The following STK11 variants were observed in gnomAD, a reference collection of about 807,000 sequenced individuals.
STK11 encodes the protein serine/threonine kinase 11, also known as serine/threonine-protein kinase STK11.
In STK11, 8 loss-of-function variants were observed where a neutral mutation model predicts 47.3. The ratio of observed to expected loss-of-function variants is 0.17; its 90% CI spans 0.10 to 0.31. The LOEUF (loss-of-function observed/expected upper bound fraction) is 0.31. Among genes scored for constraint, STK11 ranks in the 10% least tolerant of loss-of-function variants. STK11 has a pLI of 1.00. For missense variants in STK11, 475 were observed against 605.0 expected, an observed-to-expected ratio of 0.79 and a Z score of 2.25; for synonymous variants, 330 against 255.8, an observed-to-expected ratio of 1.29 and a Z score of -2.77.
rs1599926980 is a variant in STK11, at chr19:1,220,697, C to T, written c.714C>T (p.Ile238=). The change falls in exon 5 of 10, where the codon ATC becomes ATT. Residue 238 remains isoleucine, a synonymous_variant. Transcript: ENST00000326873. The stretch of plus-strand genomic sequence containing the variant: ...CCTTCTCCGGCTTCAAGGTGGACAT[C>T]TGGTCGGCTGGGGTCACCCTGTAAG... ...LDTFSGFKVD[I]WSAGVTLYNI... is the part of the protein sequence containing the mutation. 6.2e-7 allele frequency: 1 copy of T among 1,609,992 alleles called. No individual in the cohort carries two copies. Among genetic ancestry groups the T allele is most frequent in the Non-Finnish European group, 8.5e-7 (1 of 1,178,756 alleles).
chr19:1,219,525 C>G, intron 3 of STK11, 112 bp downstream of exon 3: 1 of 1,209,124 alleles, frequency 8.3e-7, no homozygotes, highest in South Asian at 1.5e-5. Flanking sequence ...CATGAAGGCC[C>G]AAGTTTTTTT....
intron 8 of STK11, chr19:1,224,053 TG>T (rs1242287514): frequency 1.7e-5 from 17 of 1,001,304 alleles, no homozygotes; most frequent in Admixed American, 6.0e-5. Flanking sequence ...CCCAGAATAG[TG>T]GGGGCCCTGC....
chr19:1,212,746 G>C (rs551404380), intron 1 of STK11, among the ~76,000 whole-genome samples: 5 of 151,990 alleles, frequency 3.3e-5, no homozygotes, highest in African/African-American at 1.2e-4. Flanking sequence ...GGGTTTCACC[G>C]TGTTAGCCAG....
chr19:1,221,415 C>T lies in STK11; in HGVS notation c.862+75C>T, dbSNP rs560283311. Reference sequence around the variant, plus strand: ...TGCAGAAATGTAGGGTTGGGGGTGTCAGGTGGGGGGCTATTGGCCCCGAGA... The same window carrying T: ...TGCAGAAATGTAGGGTTGGGGGTGTTAGGTGGGGGGCTATTGGCCCCGAGA... On this transcript the variant is annotated intron_variant, in intron 6 of 9. Coordinates refer to ENST00000326873, the MANE Select transcript of STK11 (RefSeq NM_000455.5). 13 of 1,485,670 alleles carry T rather than the reference C, an allele frequency of 8.8e-6. No individual in the cohort carries two copies. In the African/African-American group the frequency reaches 1.5e-4, roughly 17 times the overall value. 92.0% of individuals were successfully genotyped at this position (1,485,670 alleles called of 1,614,324 possible).
At chr19:1,223,243 G>A (rs1173446495) in intron 8 of STK11, 71 bp downstream of exon 8, 1 of 1,523,618 alleles carries the variant, frequency 6.6e-7, no homozygotes, top group Admixed American at 1.9e-5. Flanking sequence ...CAGGGTGCCT[G>A]CCTGTCTGCA....
At chr19:1,221,562 AGGGCAGTGCT>A in intron 6 of STK11, 2 of 705,008 alleles carry the variant, frequency 2.8e-6, no homozygotes, top group Admixed American at 3.0e-5. Context: ...CCCACCCCAG[AGGGCAGTGCT>A]GCCCTGCGCC....
chr19:1,226,232 C>T (rs1463624388), intron 8 of STK11: 2 of 1,389,344 alleles, frequency 1.4e-6, no homozygotes, highest in Non-Finnish European at 9.3e-7. Flanking sequence ...GTGGAGGGGA[C>T]ACTCCTGCCC....
intron 8 of STK11, chr19:1,225,698 G>C (rs1208839687): frequency 1.0e-6 from 1 of 985,500 alleles, no homozygotes; most frequent in African/African-American, 1.7e-5. Flanking sequence ...CATGAGCTCT[G>C]GGGCAGCCCG....
intron 8 of STK11, chr19:1,225,036 T>TC (rs140106504): frequency 0.2 from 199,415 of 985,574 alleles, 21,008 homozygotes; most frequent in East Asian, 0.32. Context: ...GCCTCACGTG[T>TC]CCCTACCCAG....
chr19:1,214,923 C>G (rs2080735352), intron 1 of STK11, among the ~76,000 whole-genome samples: 1 of 152,220 alleles, frequency 6.6e-6, no homozygotes, highest in Non-Finnish European at 1.5e-5. Flanking sequence ...GCCTGTGCGT[C>G]CGAGCATCTG....
chr19:1,212,087 G>C (rs1256660599), intron 1 of STK11, among the ~76,000 whole-genome samples: 1 of 152,030 alleles, frequency 6.6e-6, no homozygotes, highest in Admixed American at 6.6e-5. Flanking sequence ...TCCACTGGGG[G>C]TTCTGGGCTG....
chr19:1,223,735 GC>G (rs1568713183), intron 8 of STK11: 1 of 1,041,430 alleles, frequency 9.6e-7, no homozygotes, highest in African/African-American at 1.7e-5. Flanking sequence ...CTCGGCCGGC[GC>G]CGCAGTAGTG....
At position 1,206,674 on chromosome 19, in the gene STK11, C is replaced by T. The variant is rs905711255; in HGVS notation, c.-240C>T. On this transcript the variant is annotated 5_prime_UTR_variant, in exon 1 of 10. Coordinates refer to ENST00000326873, the MANE Select transcript of STK11 (RefSeq NM_000455.5). Reference sequence around the variant, plus strand: ...CTCGCGTCTGAGCCGCCGTCCCGGACCCCCGGTGCCCGCCGGTCCGCAGAC... The same window carrying T: ...CTCGCGTCTGAGCCGCCGTCCCGGATCCCCGGTGCCCGCCGGTCCGCAGAC... The T allele has an allele frequency of 1.8e-6, 1 of 558,150 alleles. No individual in the cohort carries two copies. 34.6% of individuals were successfully genotyped at this position (558,150 alleles called of 1,614,324 possible).
chr19:1,224,510 G>A, intron 8 of STK11: 1 of 985,510 alleles, frequency 1.0e-6, no homozygotes, highest in Non-Finnish European at 1.2e-6. Context: ...CAAATCCCAG[G>A]CAGGAGGGCC....
At chr19:1,221,374 G>C (rs2080783386) in intron 6 of STK11, 34 bp downstream of exon 6, 15 of 1,576,852 alleles carry the variant, frequency 9.5e-6, no homozygotes, top group Non-Finnish European at 1.2e-5. Flanking sequence ...GCAGCCCCAG[G>C]GAGGCGGGGC....
chr19:1,208,565 C>G (rs550749417), intron 1 of STK11, among the ~76,000 whole-genome samples: 8 of 148,966 alleles, frequency 5.4e-5, no homozygotes, highest in Non-Finnish European at 1.2e-4. Context: ...GCCTCGGCCT[C>G]CCAAAGTGCT....
chr19:1,224,113 C>A, intron 8 of STK11: 1 of 991,870 alleles, frequency 1.0e-6, no homozygotes, highest in Non-Finnish European at 1.2e-6. Flanking sequence ...CCTCATCAAA[C>A]CCCTAGGCTC....
intron 1 of STK11, among the ~76,000 whole-genome samples, 185 bp downstream of exon 1, chr19:1,207,388 A>C (rs897287482): frequency 1.3e-5 from 2 of 151,716 alleles, no homozygotes; most frequent in Admixed American, 6.6e-5. Context: ...ACGGACTTTC[A>C]CTCAGGCAAG....
chr19:1,213,821 G>T (rs1285540491), intron 1 of STK11, among the ~76,000 whole-genome samples: 7 of 152,228 alleles, frequency 4.6e-5, no homozygotes, highest in African/African-American at 1.7e-4. Flanking sequence ...CGCGGGTCTG[G>T]AGCTGGGTGT....
Sources: gnomAD v4.1 joint callset for allele counts (sites outside exome capture counted in the v4.1 genomes callset) on GRCh38, gnomAD v4.1.1 for gene constraint, MANE v1.5 for transcripts, NCBI Gene and HGNC (gene_info 2026-07-23, HGNC 2026-07-21) for gene names.